The following SLC2A9 variants were observed in gnomAD, a reference collection of about 807,000 sequenced individuals.
SLC2A9 encodes solute carrier family 2 member 9.
SLC2A9 carries 39 observed loss-of-function variants against 50.6 expected under a neutral mutation model. The ratio of observed to expected loss-of-function variants is 0.77; its 90% confidence interval spans 0.60 to 1.01. The LOEUF is 1.01. Ranked by LOEUF, SLC2A9 falls within the 50% of genes least tolerant of loss-of-function variation. The probability of loss-of-function intolerance (pLI) is 0.00; values close to 1 mark genes in which losing one functional copy is unlikely to be tolerated. For missense variants in SLC2A9, 686 were observed against 677.6 expected (o/e 1.01, Z -0.14); for synonymous variants, 324 against 276.9 (o/e 1.17, Z -1.69).
downstream of SLC2A9, among the ~76,000 whole-genome samples, chr4:9,824,561 GA>G: frequency 6.6e-6 from 1 of 152,100 alleles, no homozygotes; most frequent in Non-Finnish European, 1.5e-5. Flanking sequence ...TCACTGTATT[GA>G]TGACAATTTA....
chr4:10,005,915 T>C (rs1268465781), intron 2 of SLC2A9, among the ~76,000 whole-genome samples: 2 of 152,190 alleles, frequency 1.3e-5, no homozygotes, highest in African/African-American at 4.8e-5. Flanking sequence ...GCGCCTCAGG[T>C]TCCTCATCTG....
At chr4:9,909,361 G>A (rs962565269) in intron 7 of SLC2A9, among the ~76,000 whole-genome samples, 4 of 152,166 alleles carry the variant, frequency 2.6e-5, no homozygotes, top group African/African-American at 9.7e-5. Context: ...TGTGGTCTTG[G>A]AGTTGCTATA....
chr4:9,870,803 G>T (rs893826282), intron 10 of SLC2A9, among the ~76,000 whole-genome samples: 1 of 152,244 alleles, frequency 6.6e-6, no homozygotes, highest in Non-Finnish European at 1.5e-5. Flanking sequence ...CCCAAGCAGG[G>T]CTCCCTGGAG....
chr4:9,917,961 G>A (rs1743188921), intron 7 of SLC2A9, among the ~76,000 whole-genome samples: 1 of 152,102 alleles, frequency 6.6e-6, no homozygotes. Flanking sequence ...TGTCTGGGTG[G>A]GCTGTCCAGG....
chr4:9,926,975 T>A, intron 6 of SLC2A9, among the ~76,000 whole-genome samples: 1 of 151,748 alleles, frequency 6.6e-6, no homozygotes, highest in African/African-American at 2.4e-5. Flanking sequence ...TGCTGGCACC[T>A]TGACCTTGGA....
At chr4:9,964,352 G>C (rs1049036120) in intron 5 of SLC2A9, among the ~76,000 whole-genome samples, 3 of 152,160 alleles carry the variant, frequency 2.0e-5, no homozygotes, top group African/African-American at 7.2e-5. Context: ...AAGGAGTTCA[G>C]GCATTAACCT....
intron 10 of SLC2A9, among the ~76,000 whole-genome samples, chr4:9,844,179 A>AAAG (rs1728567607): frequency 6.7e-6 from 1 of 148,862 alleles, no homozygotes; most frequent in Non-Finnish European, 1.5e-5. Flanking sequence ...AAAAAAAAAA[A>AAAG]AGTCCTTCTG....
chr4:9,899,381 C>A (rs1393183353), intron 8 of SLC2A9, among the ~76,000 whole-genome samples: 1 of 152,234 alleles, frequency 6.6e-6, no homozygotes, highest in Non-Finnish European at 1.5e-5. Flanking sequence ...ACATGAAAAG[C>A]AATTTCACAT....
At chr4:9,782,435 G>A in intron 3 of SLC2A9, 3 of 1,614,022 alleles carry the variant, frequency 1.9e-6, no homozygotes. Flanking sequence ...CGTCATCAGC[G>A]TGGACCGCTA....
At chr4:9,835,151 C>T (rs1726824425) in intron 10 of SLC2A9, 143 bp from the exon 11 acceptor site, 3 of 1,147,666 alleles carry the variant, frequency 2.6e-6, no homozygotes, top group East Asian at 5.0e-5. Context: ...CCTGAGTCGC[C>T]CTGGTGGCAT....
At chr4:9,938,568 G>A (rs571916552) in intron 6 of SLC2A9, among the ~76,000 whole-genome samples, 3 of 152,132 alleles carry the variant, frequency 2.0e-5, no homozygotes, top group Non-Finnish European at 2.9e-5. Context: ...ACTGCGCCTG[G>A]CCGATCTTTT....
upstream of SLC2A9, chr4:10,025,948 C>T: frequency 1.2e-6 from 2 of 1,613,862 alleles, no homozygotes; most frequent in Non-Finnish European, 1.7e-6. Context: ...TCTCCTCGGT[C>T]CTTTTTACTG....
At chr4:9,851,921 T>C (rs1383616588) in intron 10 of SLC2A9, among the ~76,000 whole-genome samples, 1 of 152,164 alleles carries the variant, frequency 6.6e-6, no homozygotes, top group Non-Finnish European at 1.5e-5. Flanking sequence ...TATGAGATTA[T>C]GTAAAGAGAG....
intron 6 of SLC2A9, among the ~76,000 whole-genome samples, chr4:9,931,069 T>G (rs1225643075): frequency 6.6e-6 from 1 of 152,144 alleles, no homozygotes; most frequent in Non-Finnish European, 1.5e-5. Flanking sequence ...GGAAATGGCC[T>G]GGGAAATTGC....
At chr4:10,008,905 T>G (rs1310771305) in intron 2 of SLC2A9, among the ~76,000 whole-genome samples, 1 of 151,350 alleles carries the variant, frequency 6.6e-6, no homozygotes, top group African/African-American at 2.4e-5. Context: ...CGGTGGTTTT[T>G]TTTTTTTTTT....
chr4:10,033,830 G>A (rs11722930), intron 1 of SLC2A9, among the ~76,000 whole-genome samples: 66,512 of 152,032 alleles, frequency 0.44, 16,158 homozygotes, highest in South Asian at 0.59. Flanking sequence ...GAAATCCAGG[G>A]CGAGGGCCAC....
At chr4:9,860,816 T>C (rs1002386189) in intron 10 of SLC2A9, among the ~76,000 whole-genome samples, 2 of 152,246 alleles carry the variant, frequency 1.3e-5, no homozygotes, top group African/African-American at 4.8e-5. Context: ...AGCCTGAGGC[T>C]GGTGCATGCA....
chr4:9,805,932 G>T (rs1197128514), intron 3 of SLC2A9, among the ~76,000 whole-genome samples: 1 of 152,134 alleles, frequency 6.6e-6, no homozygotes, highest in Non-Finnish European at 1.5e-5. Flanking sequence ...GAATGCTGAG[G>T]CAGGGCAGGT....
intron 3 of SLC2A9, among the ~76,000 whole-genome samples, chr4:9,790,744 A>C (rs531512466): frequency 1.3e-5 from 2 of 152,302 alleles, no homozygotes; most frequent in Admixed American, 1.3e-4. Flanking sequence ...CTGAATTTCT[A>C]GGGAATAGGG....
Sources: gnomAD v4.1 joint callset for allele counts (sites outside exome capture counted in the v4.1 genomes callset) on GRCh38, gnomAD v4.1.1 for gene constraint, MANE v1.5 for transcripts, NCBI Gene and HGNC (gene_info 2026-07-23, HGNC 2026-07-21) for gene names.